NPAS3: variants seen among roughly 807,000 people sequenced by gnomAD.
NPAS3 encodes the protein neuronal PAS domain protein 3.
In NPAS3, 14 loss-of-function variants were observed where a neutral mutation model predicts 73.1. The observed-to-expected ratio is 0.19, with a 90% CI of 0.13 to 0.30. The LOEUF is 0.30. Ranked by LOEUF, NPAS3 falls within the 10% of genes least tolerant of loss-of-function variation. NPAS3 has a pLI of 1.00. For synonymous variants in NPAS3, 620 were observed against 541.5 expected (o/e 1.14, Z -2.01); for missense variants, 1,096 against 1,250.0 (o/e 0.88, Z 1.86).
intron 5 of NPAS3, among the ~76,000 whole-genome samples, chr14:33,653,553 G>C (rs1427264319): frequency 6.6e-6 from 1 of 152,146 alleles, no homozygotes; most frequent in East Asian, 1.9e-4. Flanking sequence ...TATTTAATTA[G>C]GCTGTAGTTT....
intron 5 of NPAS3, among the ~76,000 whole-genome samples, chr14:33,674,350 C>T (rs566996950): frequency 1.9e-4 from 29 of 152,296 alleles, no homozygotes; most frequent in African/African-American, 6.3e-4. Flanking sequence ...GAAATATTTA[C>T]GAAAGTGCTA....
At chr14:33,100,190 A>C (rs1192599990) in intron 2 of NPAS3, among the ~76,000 whole-genome samples, 2 of 152,170 alleles carry the variant, frequency 1.3e-5, no homozygotes, top group Non-Finnish European at 2.9e-5. Context: ...CTCTATCTAG[A>C]TCACTTCTGA....
At chr14:33,315,620 G>T (rs541617280) in intron 3 of NPAS3, among the ~76,000 whole-genome samples, 25 of 152,024 alleles carry the variant, frequency 1.6e-4, no homozygotes, top group African/African-American at 6.0e-4. Context: ...TACTATAGGT[G>T]AACAGGGAGA....
chr14:33,692,501 A>G (rs2060260509), intron 6 of NPAS3, among the ~76,000 whole-genome samples: 1 of 152,138 alleles, frequency 6.6e-6, no homozygotes, highest in African/African-American at 2.4e-5. Context: ...ATTTTATGCA[A>G]GCAGGTGCAA....
At chr14:33,702,711 G>A (rs760171653) in intron 6 of NPAS3, among the ~76,000 whole-genome samples, 15 of 152,164 alleles carry the variant, frequency 9.9e-5, no homozygotes, top group Non-Finnish European at 2.1e-4. Flanking sequence ...ACCTGAAGGG[G>A]AGAGGGTGGG....
At chr14:33,663,366 G>A (rs1441170989) in intron 5 of NPAS3, among the ~76,000 whole-genome samples, 14 of 152,084 alleles carry the variant, frequency 9.2e-5, no homozygotes, top group Admixed American at 6.6e-4. Flanking sequence ...GATGGATTAT[G>A]TTTATTGATT....
chr14:32,961,066 C>T (rs1161475988), intron 1 of NPAS3, among the ~76,000 whole-genome samples: 2 of 152,124 alleles, frequency 1.3e-5, no homozygotes, highest in Non-Finnish European at 2.9e-5. Flanking sequence ...ATGTTTAAAA[C>T]TCAAAGTGAT....
chr14:33,577,108 G>A (rs2056466760), intron 5 of NPAS3, among the ~76,000 whole-genome samples: 1 of 152,178 alleles, frequency 6.6e-6, no homozygotes, highest in South Asian at 2.1e-4. Context: ...CTTTTGGTAG[G>A]TACATTCAAA....
chr14:33,201,205 T>C (rs1203292752), intron 2 of NPAS3, among the ~76,000 whole-genome samples: 1 of 152,190 alleles, frequency 6.6e-6, no homozygotes, highest in Non-Finnish European at 1.5e-5. Context: ...GCTCAAATAC[T>C]ACCTCTAAGA....
At chr14:32,996,469 C>T (rs1285456767) in intron 1 of NPAS3, among the ~76,000 whole-genome samples, 1 of 152,158 alleles carries the variant, frequency 6.6e-6, no homozygotes, top group African/African-American at 2.4e-5. Context: ...GCAGCCCATC[C>T]CATCACAGGC....
At chr14:33,141,799 G>A (rs141212015) in intron 2 of NPAS3, among the ~76,000 whole-genome samples, 193 of 152,268 alleles carry the variant, frequency 1.3e-3, no homozygotes, top group African/African-American at 4.1e-3. Context: ...ATAGAATTGG[G>A]ATGAAGGATG....
chr14:33,077,773 G>GGTT (rs2041708957), intron 2 of NPAS3, among the ~76,000 whole-genome samples: 1 of 19,252 alleles, frequency 5.2e-5, no homozygotes, highest in East Asian at 8.0e-4. Context: ...TTGCAGTAAG[G>GGTT]GTTTTTTTTT....
At chr14:33,510,215 C>T (rs1162242667) in intron 4 of NPAS3, among the ~76,000 whole-genome samples, 1 of 152,058 alleles carries the variant, frequency 6.6e-6, no homozygotes, top group African/African-American at 2.4e-5. Flanking sequence ...GGTGGGACAG[C>T]GGTACTCAAT....
At chr14:33,446,162 C>CTTTTTTTTTT (rs753379492) in intron 4 of NPAS3, among the ~76,000 whole-genome samples, 1 of 114,968 alleles carries the variant, frequency 8.7e-6, no homozygotes, top group African/African-American at 3.9e-5. Context: ...ACACTTCATG[C>CTTTTTTTTTT]TTTCTTTTTT....
intron 4 of NPAS3, among the ~76,000 whole-genome samples, chr14:33,386,111 G>A (rs1419211015): frequency 6.6e-6 from 1 of 151,632 alleles, no homozygotes. Context: ...CTCAGGGAAA[G>A]TTAGGACCAA....
At chr14:33,639,938 C>T (rs954118213) in intron 5 of NPAS3, among the ~76,000 whole-genome samples, 1 of 152,168 alleles carries the variant, frequency 6.6e-6, no homozygotes, top group Admixed American at 6.5e-5. Flanking sequence ...CCTCTATGGG[C>T]TGGTCACAGT....
intron 4 of NPAS3, among the ~76,000 whole-genome samples, chr14:33,556,871 G>T (rs908792817): frequency 2.0e-5 from 3 of 152,188 alleles, no homozygotes; most frequent in African/African-American, 7.2e-5. Flanking sequence ...GTCCTTGGAA[G>T]TTCTCCTGTG....
At chr14:33,741,194 T>C (rs943782028) in intron 7 of NPAS3, among the ~76,000 whole-genome samples, 2 of 152,158 alleles carry the variant, frequency 1.3e-5, no homozygotes, top group African/African-American at 4.8e-5. Context: ...GTTCCAGGTG[T>C]CCAGACATAC....
At chr14:33,117,591 A>T (rs538454865) in intron 2 of NPAS3, among the ~76,000 whole-genome samples, 16 of 152,256 alleles carry the variant, frequency 1.1e-4, no homozygotes, top group African/African-American at 3.6e-4. Flanking sequence ...AAAAATCAAG[A>T]TCCTTTCTGA....
Sources: allele counts gnomAD v4.1 joint callset (sites outside exome capture counted in the v4.1 genomes callset), GRCh38; gene constraint gnomAD v4.1.1; transcripts MANE v1.5; gene names NCBI Gene and HGNC (gene_info 2026-07-23, HGNC 2026-07-21).